Variants in IFITM10 observed in about 807,000 individuals in gnomAD.
IFITM10 encodes interferon-induced transmembrane protein 10.
IFITM10 carries 17 observed loss-of-function variants against 19.0 expected under a neutral mutation model. The observed-to-expected ratio is 0.90, with a 90% CI of 0.61 to 1.34. The LOEUF (loss-of-function observed/expected upper bound fraction) is 1.34. Among genes scored for constraint, IFITM10 ranks in the 40% most tolerant of loss-of-function variants. The pLI, the probability that IFITM10 is intolerant of heterozygous loss-of-function variation, is 0.00. For missense variants in IFITM10, 306 were observed against 319.8 expected, an observed-to-expected ratio of 0.96 and a Z score of 0.33; for synonymous variants, 148 against 147.2, an observed-to-expected ratio of 1.01 and a Z score of -0.04.
chr11:1,747,129 G>T (rs1398240557), intron 2 of IFITM10, among the ~76,000 whole-genome samples: 1 of 152,142 alleles, frequency 6.6e-6, no homozygotes, highest in Admixed American at 6.5e-5. Flanking sequence ...TCCCTGGGCT[G>T]CCCTGGCCAC....
intron 2 of IFITM10, chr11:1,745,979 TAC>T (rs1374982064): frequency 4.9e-5 from 7 of 142,416 alleles, no homozygotes; most frequent in Non-Finnish European, 1.1e-4. Flanking sequence ...CATGTGTGAT[TAC>T]ACACACGTGC....
Position 1,750,521 on chromosome 11 carries a change from C to T in IFITM10, c.-79G>A, listed in dbSNP as rs943124200. The T allele has an allele frequency of 6.5e-7, 1 of 1,531,694 alleles. No individual in the cohort carries two copies. The allele number at this position is 1,531,694 out of a possible 1,614,324, so 94.9% of individuals were successfully genotyped here. ...ACTGGCCTCCTGTGTCTCCGCAACCCTCTTTCCTGTCTGGAAGGCCAGTCC... is the reference window on the plus strand; with the variant it reads ...ACTGGCCTCCTGTGTCTCCGCAACCTTCTTTCCTGTCTGGAAGGCCAGTCC... On this transcript the variant is annotated 5_prime_UTR_variant, in exon 1 of 3. Transcript: ENST00000340134.
At chr11:1,745,407 C>A (rs1396062491) in intron 2 of IFITM10, 1 of 152,302 alleles carries the variant, frequency 6.6e-6, no homozygotes, top group Non-Finnish European at 1.5e-5. Context: ...CAGGATTGGT[C>A]TGGGGAGCCA....
intron 1 of IFITM10, chr11:1,749,214 C>CAAA: frequency 2.0e-6 from 1 of 500,674 alleles, no homozygotes; most frequent in South Asian, 8.4e-5. Context: ...CCAGACCGGC[C>CAAA]GCGCGGCTGC....
At chr11:1,746,784 G>T (rs1025524351) in intron 2 of IFITM10, 1 of 398,754 alleles carries the variant, frequency 2.5e-6, no homozygotes, top group Non-Finnish European at 4.4e-6. Context: ...TCTGGCCTTG[G>T]CCACTCAAGT....
intron 2 of IFITM10, among the ~76,000 whole-genome samples, chr11:1,739,604 CAG>C (rs532998331): frequency 8.7e-4 from 133 of 152,048 alleles, no homozygotes; most frequent in African/African-American, 2.9e-3. Flanking sequence ...CTCAGGGGAA[CAG>C]AGAGTGCTGT....
Position 1,737,069 on chromosome 11 carries a change from T to G in IFITM10, c.538-1640A>C, listed in dbSNP as rs551372372. On this transcript the variant is annotated intron_variant, in intron 2 of 2. Coordinates refer to ENST00000340134, the MANE Select transcript of IFITM10 (RefSeq NM_001170820.4). Reference sequence around the variant, plus strand: ...TTATGCTAGTGGTTTTGGAGGAAACTGACATCTGCAATGAAATTTGTATTC... The same window carrying G: ...TTATGCTAGTGGTTTTGGAGGAAACGGACATCTGCAATGAAATTTGTATTC... Among the ~76,000 whole-genome samples, 270 of 152,328 alleles carry G rather than the reference T, an allele frequency of 1.8e-3. 2 individuals are homozygous for G. Among genetic ancestry groups the G allele is most frequent in the African/African-American group, 6.3e-3 (263 of 41,566 alleles).
intron 1 of IFITM10, 56 bp downstream of exon 1, chr11:1,750,303 C>G: frequency 6.4e-7 from 1 of 1,550,466 alleles, no homozygotes; most frequent in South Asian, 1.2e-5. Context: ...CCCTCCCTCC[C>G]TCCAAGTCCC....
intron 1 of IFITM10, chr11:1,748,576 A>C: frequency 1.3e-5 from 2 of 151,020 alleles, no homozygotes; most frequent in Non-Finnish European, 2.9e-5. Context: ...GACACCCGAT[A>C]CCGCCACGGG....
chr11:1,746,298 G>A (rs1303262020), intron 2 of IFITM10: 2 of 347,762 alleles, frequency 5.8e-6, no homozygotes, highest in Non-Finnish European at 1.0e-5. Flanking sequence ...GCATTCACAT[G>A]TACACACATG....
At chr11:1,735,708 C>A (rs765805887) in intron 2 of IFITM10, among the ~76,000 whole-genome samples, 1 of 152,128 alleles carries the variant, frequency 6.6e-6, no homozygotes, top group Non-Finnish European at 1.5e-5. Flanking sequence ...TAGAGAAAAG[C>A]AAATATGGTA....
At chr11:1,740,324 A>AG (rs1845548796) in intron 2 of IFITM10, among the ~76,000 whole-genome samples, 1 of 150,106 alleles carries the variant, frequency 6.7e-6, no homozygotes, top group African/African-American at 2.5e-5. Context: ...AAAAAAAAAA[A>AG]GAACAGATAG....
Position 1,735,216 on chromosome 11 carries a change from C to T in IFITM10, c.*64G>A. The T allele has an allele frequency of 6.6e-7, 1 of 1,515,888 alleles. No individual in the cohort carries two copies. Among genetic ancestry groups the T allele is most frequent in the Non-Finnish European group, 8.9e-7 (1 of 1,120,808 alleles). The allele number at this position is 1,515,888 out of a possible 1,614,324, so 93.9% of individuals were successfully genotyped here. On this transcript the variant is annotated 3_prime_UTR_variant, in exon 3 of 3. Transcript: ENST00000340134. ...CCCAACCTCATGGGATCCTGCGTTT[C>T]AGGGACCATGAGAATAAACATGTCT...
chr11:1,737,001 T>A (rs1317601770), intron 2 of IFITM10, among the ~76,000 whole-genome samples: 3 of 152,136 alleles, frequency 2.0e-5, no homozygotes, highest in Non-Finnish European at 2.9e-5. Flanking sequence ...GGATTCAGGG[T>A]AAGGAAGGAG....
chr11:1,748,315 G>A, intron 1 of IFITM10, 196 bp from the exon 2 acceptor site: 1 of 427,628 alleles, frequency 2.3e-6, no homozygotes, highest in Admixed American at 4.1e-5. Flanking sequence ...CTTCGCAGCA[G>A]CCTTGGCAGG....
chr11:1,735,384 C>T lies in IFITM10; in HGVS notation c.583G>A (p.Asp195Asn). 2 of 1,551,710 alleles carry T rather than the reference C, an allele frequency of 1.3e-6. No homozygotes were observed. The highest frequency in any genetic ancestry group is 1.7e-6 in the Non-Finnish European group (2 of 1,146,990). The change falls in exon 3 of 3, where the codon GAT becomes AAT. Residue 195 changes from aspartate (D) to asparagine (N), a missense_variant. By Grantham distance (23) the Asp-to-Asn change is conservative. Transcript: ENST00000340134. ...TTGAACAGCCGGGCCGTCTTTGCAT[C>T]CTCCACGGCTCCATTCAGGTCATTG... is the stretch of plus-strand genomic sequence containing the variant. ...LLNDLNGAVE[D>N]AKTARLFNIT...
chr11:1,747,928 C>G lies in IFITM10; in HGVS notation c.276G>C (p.Glu92Asp). ...ALQAPAAPAP[E>D]PSASPPMAPT... ...GCGCCATCGGGGGAGAGGCCGAGGG[C>G]TCAGGGGCAGGGGCCGCCGGAGCCT... The change falls in exon 2 of 3, where the codon GAG (glutamate) becomes GAC (aspartate). Residue 92 changes from glutamate (E) to aspartate (D), a missense_variant. Coordinates refer to ENST00000340134, the MANE Select transcript of IFITM10 (RefSeq NM_001170820.4). 6.7e-7 allele frequency: 1 copy of G among 1,484,344 alleles called. No homozygotes were observed. Among genetic ancestry groups the G allele is most frequent in the Middle Eastern group, 1.8e-4 (1 of 5,672 alleles). The allele number at this position is 1,484,344 out of a possible 1,614,324, so 91.9% of individuals were successfully genotyped here.
intron 2 of IFITM10, among the ~76,000 whole-genome samples, chr11:1,740,741 T>C (rs892715740): frequency 1.2e-4 from 18 of 152,188 alleles, no homozygotes; most frequent in Non-Finnish European, 4.4e-5. Context: ...TATTTAAAAC[T>C]GATATAGTTT....
At chr11:1,748,303 C>T (rs1845676531) in intron 1 of IFITM10, 184 bp from the exon 2 acceptor site, 1 of 438,444 alleles carries the variant, frequency 2.3e-6, no homozygotes, top group Non-Finnish European at 3.9e-6. Context: ...GATGCCAAAG[C>T]CCTTCGCAGC....
Sources: gnomAD v4.1 joint callset for allele counts (sites outside exome capture counted in the v4.1 genomes callset) on GRCh38, gnomAD v4.1.1 for gene constraint, MANE v1.5 for transcripts, NCBI Gene and HGNC (gene_info 2026-07-23, HGNC 2026-07-21) for gene names.